The following B3GLCT variants were observed in gnomAD, a reference collection of about 807,000 sequenced individuals.
B3GLCT encodes the protein beta 3-glucosyltransferase.
Under a neutral mutation model 63.4 loss-of-function variants are expected in B3GLCT, and 65 were observed. The observed-to-expected ratio is 1.03, with a 90% CI of 0.84 to 1.26. B3GLCT has a LOEUF of 1.26. B3GLCT is among the 50% of genes most tolerant of loss of function. The pLI, the probability that B3GLCT is intolerant of heterozygous loss-of-function variation, is 0.00. For synonymous variants in B3GLCT, 233 were observed against 219.2 expected, an observed-to-expected ratio of 1.06 and a Z score of -0.55; for missense variants, 577 against 604.8, an observed-to-expected ratio of 0.95 and a Z score of 0.48.
intron 12 of B3GLCT, among the ~76,000 whole-genome samples, chr13:31,294,673 C>T (rs1303361730): frequency 2.0e-5 from 3 of 152,150 alleles, no homozygotes; most frequent in Non-Finnish European, 4.4e-5. Context: ...TATTTCTGTT[C>T]TTCTCTAAAC....
intron 10 of B3GLCT, among the ~76,000 whole-genome samples, chr13:31,282,204 G>T (rs1873103454): frequency 6.6e-6 from 1 of 152,112 alleles, no homozygotes; most frequent in African/African-American, 2.4e-5. Context: ...GTAAATAATA[G>T]AATGAATTCA....
rs1872470489 is a variant in B3GLCT at position 31,269,198 on chromosome 13, T to C, written c.597-16T>C. On this transcript the variant is annotated splice_polypyrimidine_tract_variant and intron_variant, in intron 7 of 14. Transcript: ENST00000343307. ...TTCTTTTGGTTAAAAAAAATCAAAT[T>C]GTCTCTATTTTCTAGGCTTACCAAG... 6.3e-7 allele frequency: 1 copy of C among 1,590,040 alleles called. No individual in the cohort carries two copies. The highest frequency in any genetic ancestry group is 1.3e-5 in the African/African-American group (1 of 74,400).
intron 10 of B3GLCT, 50 bp downstream of exon 10, chr13:31,276,821 T>TC: frequency 1.5e-6 from 2 of 1,328,490 alleles, no homozygotes; most frequent in Non-Finnish European, 2.2e-6. Flanking sequence ...CAGACTACCT[T>TC]CTAAAGAAAA....
At chr13:31,297,295 T>C (rs1593305148) in intron 12 of B3GLCT, among the ~76,000 whole-genome samples, 1 of 151,958 alleles carries the variant, frequency 6.6e-6, no homozygotes, top group Non-Finnish European at 1.5e-5. Context: ...CCCATAGAGG[T>C]TGTTCCATTT....
chr13:31,225,027 C>T (rs1446368311), intron 3 of B3GLCT, among the ~76,000 whole-genome samples: 2 of 152,208 alleles, frequency 1.3e-5, no homozygotes, highest in Admixed American at 6.5e-5. Flanking sequence ...TGTCCTGCTG[C>T]CTTTCCTGAG....
chr13:31,245,764 C>T (rs1264544038), intron 4 of B3GLCT, among the ~76,000 whole-genome samples: 1 of 151,956 alleles, frequency 6.6e-6, no homozygotes, highest in Non-Finnish European at 1.5e-5. Flanking sequence ...TTATGTAATC[C>T]TTCATGAATA....
At chr13:31,203,248 CCTT>C (rs1327276781) in intron 1 of B3GLCT, among the ~76,000 whole-genome samples, 1 of 152,088 alleles carries the variant, frequency 6.6e-6, no homozygotes, top group East Asian at 1.9e-4. Context: ...ATTCTTAAAA[CCTT>C]CTCTTTATTT....
intron 4 of B3GLCT, among the ~76,000 whole-genome samples, chr13:31,230,070 A>G (rs1268905642): frequency 2.6e-5 from 4 of 152,118 alleles, no homozygotes; most frequent in Admixed American, 2.6e-4. Context: ...CTCTTAATCT[A>G]CTTTTTTAAT....
intron 7 of B3GLCT, 119 bp downstream of exon 7, chr13:31,261,201 T>A: frequency 8.3e-7 from 1 of 1,203,606 alleles, no homozygotes; most frequent in Admixed American, 2.2e-5. Flanking sequence ...CCAGAGGCAG[T>A]GTGTGGTAAG....
chr13:31,238,315 G>A (rs1431164025), intron 4 of B3GLCT, among the ~76,000 whole-genome samples: 1 of 152,228 alleles, frequency 6.6e-6, no homozygotes, highest in African/African-American at 2.4e-5. Flanking sequence ...TTAATACTGT[G>A]TGCAGAGTTG....
chr13:31,221,328 G>A (rs1318802095), intron 2 of B3GLCT, among the ~76,000 whole-genome samples: 1 of 152,238 alleles, frequency 6.6e-6, no homozygotes, highest in Non-Finnish European at 1.5e-5. Flanking sequence ...CTCTGGAGCT[G>A]AGGCTGGCCC....
intron 8 of B3GLCT, among the ~76,000 whole-genome samples, chr13:31,271,603 A>G (rs1872577277): frequency 6.6e-6 from 1 of 152,208 alleles, no homozygotes; most frequent in Admixed American, 6.5e-5. Flanking sequence ...ATTGTAGTCT[A>G]TACAACAGTC....
intron 12 of B3GLCT, among the ~76,000 whole-genome samples, chr13:31,295,816 G>A (rs534291313): frequency 6.6e-6 from 1 of 152,172 alleles, no homozygotes; most frequent in Non-Finnish European, 1.5e-5. Context: ...CTTTCCAGGG[G>A]AGTGAACAGT....
chr13:31,240,365 C>G lies in B3GLCT; in HGVS notation c.271-6658C>G, dbSNP rs569459612. On this transcript the variant is annotated intron_variant, in intron 4 of 14. Transcript: ENST00000343307. ...AGACTATAAACCCTTTATTTAAAAC[C>G]TGGCATAATCTCAACTTTACAAATT... Among the ~76,000 whole-genome samples, 12 of 152,190 alleles carry G rather than the reference C, an allele frequency of 7.9e-5. No individual in the cohort carries two copies. The South Asian group carries it at 2.5e-3, about 32-fold the overall frequency.
chr13:31,286,859 C>A, intron 12 of B3GLCT, 40 bp downstream of exon 12: 1 of 1,361,536 alleles, frequency 7.3e-7, no homozygotes. Context: ...TTAAATTCTA[C>A]ATATATTCAT....
At chr13:31,239,242 A>C (rs1251015627) in intron 4 of B3GLCT, among the ~76,000 whole-genome samples, 1 of 152,058 alleles carries the variant, frequency 6.6e-6, no homozygotes, top group Non-Finnish European at 1.5e-5. Context: ...ACGGCTTCCT[A>C]AATGCAGATC....
At position 31,223,004 on chromosome 13, in the gene B3GLCT, T is replaced by G. The variant is rs1365074449; in HGVS notation, c.160+13T>G. 1 of 1,457,132 alleles carries G rather than the reference T, an allele frequency of 6.9e-7. No homozygotes were observed. Among genetic ancestry groups the G allele is most frequent in the Non-Finnish European group, 9.6e-7 (1 of 1,038,122 alleles). The allele number at this position is 1,457,132 out of a possible 1,614,324, so 90.3% of individuals were successfully genotyped here. ...AAAAATGACATAGGTAAGTAATGAT[T>G]TTTTTTACCTAAGAGTGTGTACTTA... On this transcript the variant is annotated intron_variant, in intron 3 of 14. Coordinates refer to ENST00000343307, the MANE Select transcript of B3GLCT (RefSeq NM_194318.4).
At chr13:31,230,662 G>C (rs1348109266) in intron 4 of B3GLCT, among the ~76,000 whole-genome samples, 1 of 152,204 alleles carries the variant, frequency 6.6e-6, no homozygotes, top group Non-Finnish European at 1.5e-5. Context: ...AGTAACACAT[G>C]CTATAGATTG....
At chr13:31,292,255 G>T (rs1037439119) in intron 12 of B3GLCT, among the ~76,000 whole-genome samples, 7 of 152,152 alleles carry the variant, frequency 4.6e-5, no homozygotes, top group Non-Finnish European at 1.0e-4. Context: ...CGTTCATCAG[G>T]GATATTGGTC....
Sources: gnomAD v4.1 joint callset for allele counts (sites outside exome capture counted in the v4.1 genomes callset) on GRCh38, gnomAD v4.1.1 for gene constraint, MANE v1.5 for transcripts, NCBI Gene and HGNC (gene_info 2026-07-23, HGNC 2026-07-21) for gene names.